ZNF730: variants seen among roughly 807,000 people sequenced by gnomAD.
ZNF730 encodes the protein zinc finger protein 730, also known as putative zinc finger protein 730.
ZNF730 carries 12 observed loss-of-function variants against 12.6 expected under a neutral mutation model. The observed-to-expected ratio is 0.95, with a 90% CI of 0.61 to 1.54. The LOEUF (loss-of-function observed/expected upper bound fraction) is 1.54, where lower values mean the gene tolerates loss of function less well. ZNF730 is among the 40% of genes most tolerant of loss of function. The probability of loss-of-function intolerance (pLI) is 0.00; values close to 1 mark genes in which losing one functional copy is unlikely to be tolerated. For synonymous variants in ZNF730, 194 were observed against 195.8 expected (o/e 0.99, Z 0.08); for missense variants, 643 against 583.5 (o/e 1.10, Z -1.05).
At chr19:23,142,544 C>T (rs776341080) in intron 3 of ZNF730, among the ~76,000 whole-genome samples, 38 of 151,602 alleles carry the variant, frequency 2.5e-4, no homozygotes, top group Non-Finnish European at 3.4e-4. Context: ...AAAAATTAGC[C>T]GGGTATGGTG....
At chr19:23,132,970 C>T (rs1014864677) in intron 1 of ZNF730, among the ~76,000 whole-genome samples, 1 of 152,176 alleles carries the variant, frequency 6.6e-6, no homozygotes, top group Non-Finnish European at 1.5e-5. Flanking sequence ...ACTATTACAA[C>T]AGTGATGCTG....
intron 3 of ZNF730, among the ~76,000 whole-genome samples, chr19:23,140,376 A>C: frequency 6.7e-6 from 1 of 148,560 alleles, no homozygotes; most frequent in Middle Eastern, 3.9e-3. Flanking sequence ...TTGGGAGGCC[A>C]AGGTGGGCAG....
intron 1 of ZNF730, among the ~76,000 whole-genome samples, chr19:23,105,057 G>A (rs1338782503): frequency 6.6e-6 from 1 of 151,888 alleles, no homozygotes; most frequent in Non-Finnish European, 1.5e-5. Flanking sequence ...AATAATCAGG[G>A]CGAGTATAGG....
chr19:23,141,114 G>C (rs551858987), intron 3 of ZNF730, among the ~76,000 whole-genome samples: 3 of 151,976 alleles, frequency 2.0e-5, no homozygotes, highest in Non-Finnish European at 4.4e-5. Flanking sequence ...AAAAATTTAG[G>C]CTAGATGTGG....
intron 1 of ZNF730, among the ~76,000 whole-genome samples, chr19:23,085,863 T>TTTTTTTTTTTTTTTTA (rs1970055462): frequency 9.6e-6 from 1 of 103,774 alleles, no homozygotes; most frequent in African/African-American, 4.0e-5. Flanking sequence ...TTTTTTTTTT[T>TTTTTTTTTTTTTTTTA]GAGATGGAGT....
At chr19:23,126,806 T>C (rs1970676721) in intron 1 of ZNF730, 3 of 531,650 alleles carry the variant, frequency 5.6e-6, no homozygotes, top group South Asian at 4.4e-5. Context: ...TATTTTTTGC[T>C]CTTGCTTTAT....
intron 1 of ZNF730, among the ~76,000 whole-genome samples, chr19:23,096,357 T>C (rs1970252234): frequency 1.3e-5 from 2 of 152,218 alleles, no homozygotes; most frequent in African/African-American, 2.4e-5. Context: ...TTGACACATA[T>C]CACTGGCTCC....
At chr19:23,133,993 A>G in intron 1 of ZNF730, 87 bp from the exon 2 acceptor site, 1 of 1,540,544 alleles carries the variant, frequency 6.5e-7, no homozygotes, top group Non-Finnish European at 8.8e-7. Flanking sequence ...AGACCCAATT[A>G]TATTTACTCT....
intron 1 of ZNF730, among the ~76,000 whole-genome samples, chr19:23,117,551 TCTTTC>T: frequency 6.6e-6 from 1 of 152,330 alleles, no homozygotes; most frequent in African/African-American, 2.4e-5. Context: ...TCCCAATTCC[TCTTTC>T]CTTCTGTTAA....
At chr19:23,139,701 T>C (rs1279865798) in intron 3 of ZNF730, among the ~76,000 whole-genome samples, 1 of 152,056 alleles carries the variant, frequency 6.6e-6, no homozygotes, top group Non-Finnish European at 1.5e-5. Flanking sequence ...ATTTTTGTAT[T>C]TTTAGTAGAG....
intron 3 of ZNF730, among the ~76,000 whole-genome samples, chr19:23,138,003 G>GGTA (rs1599599799): frequency 0.011 from 836 of 74,728 alleles, 99 homozygotes; most frequent in South Asian, 0.019. Flanking sequence ...GGCTTTCACG[G>GGTA]CCGGGCGCGG....
At position 23,146,809 on chromosome 19, in the gene ZNF730, A is replaced by C; in HGVS notation, c.*253A>C. 1 of 903,410 alleles carries C rather than the reference A, an allele frequency of 1.1e-6. No homozygotes were observed. The highest frequency in any genetic ancestry group is 1.9e-6 in the Non-Finnish European group (1 of 540,292). 56.0% of individuals were successfully genotyped at this position (903,410 alleles called of 1,614,324 possible). On this transcript the variant is annotated 3_prime_UTR_variant, in exon 4 of 4. Transcript: ENST00000597761. ...ATTCATACTGGAGAGAAACCCTACA[A>C]GTGTGAAGAATGTGACAAAGCCTTT... is the stretch of plus-strand genomic sequence containing the variant.
At chr19:23,116,848 GAAAAGGCTGCAGCC>G (rs1568310406), upstream of ZNF730, 2 of 503,328 alleles carry the variant, frequency 4.0e-6, no homozygotes, top group Non-Finnish European at 7.0e-6. Flanking sequence ...AGTCCTGCCC[GAAAAGGCTGCAGCC>G]TACGCTGTCA....
intron 1 of ZNF730, among the ~76,000 whole-genome samples, chr19:23,086,129 C>T (rs541582743): frequency 3.4e-4 from 51 of 152,132 alleles, no homozygotes; most frequent in Non-Finnish European, 7.2e-4. Flanking sequence ...AGGCGTGAGC[C>T]GCCTTGCCCG....
chr19:23,145,558 C>G lies in ZNF730; in HGVS notation c.514C>G (p.Pro172Ala). The change falls in exon 4 of 4, where the codon CCT becomes GCT. Residue 172 changes from proline (P) to alanine (A), a missense_variant. Coordinates refer to ENST00000597761, the MANE Select transcript of ZNF730 (RefSeq NM_001277403.2). Reference sequence around the variant, plus strand: ...TAAGATAAGACATACTTCGAAGAAACCTTTCAAATGTAAAGAATGTGGAAA... The same window carrying G: ...TAAGATAAGACATACTTCGAAGAAAGCTTTCAAATGTAAAGAATGTGGAAA... ...RHKIRHTSKKPFKCKECGKLF... is the reference protein window; with the variant it reads ...RHKIRHTSKKAFKCKECGKLF... 1.3e-6 allele frequency: 2 copies of G among 1,550,192 alleles called. No homozygotes were observed. The highest frequency in any genetic ancestry group is 1.7e-6 in the Non-Finnish European group (2 of 1,148,590).
At chr19:23,117,431 C>A (rs1045804746) in intron 1 of ZNF730, among the ~76,000 whole-genome samples, 1 of 152,150 alleles carries the variant, frequency 6.6e-6, no homozygotes, top group Non-Finnish European at 1.5e-5. Flanking sequence ...GCTCTGCACC[C>A]GCAGCGCTGC....
chr19:23,116,549 GGCGC>G (rs1306873474), upstream of ZNF730, among the ~76,000 whole-genome samples: 1 of 150,134 alleles, frequency 6.7e-6, no homozygotes, highest in Non-Finnish European at 1.5e-5. Flanking sequence ...TGGGATTACA[GGCGC>G]GCGCCACTAC....
At chr19:23,122,718 C>T (rs1354015323) in intron 1 of ZNF730, among the ~76,000 whole-genome samples, 2 of 152,170 alleles carry the variant, frequency 1.3e-5, no homozygotes, top group Non-Finnish European at 2.9e-5. Flanking sequence ...TGTTTGTAGA[C>T]AACTTGCATT....
At chr19:23,132,137 T>A (rs1291277589) in intron 1 of ZNF730, among the ~76,000 whole-genome samples, 2 of 150,088 alleles carry the variant, frequency 1.3e-5, no homozygotes, top group Admixed American at 6.7e-5. Context: ...TCTTCTGTTA[T>A]AAAGGACAGA....
Sources: allele counts gnomAD v4.1 joint callset (sites outside exome capture counted in the v4.1 genomes callset), GRCh38; gene constraint gnomAD v4.1.1; transcripts MANE v1.5; gene names NCBI Gene and HGNC (gene_info 2026-07-23, HGNC 2026-07-21).